AK2: variants seen among roughly 807,000 people sequenced by gnomAD.
AK2 encodes adenylate kinase 2, mitochondrial.
AK2 carries 15 observed loss-of-function variants against 24.6 expected under a neutral mutation model. The ratio of observed to expected loss-of-function variants is 0.61; its 90% CI spans 0.41 to 0.94. AK2 has a LOEUF of 0.94. Among genes scored for constraint, AK2 ranks in the 40% least tolerant of loss-of-function variants. AK2 has a pLI of 0.00. For synonymous variants in AK2, 102 were observed against 114.0 expected, an observed-to-expected ratio of 0.90 and a Z score of 0.67; for missense variants, 257 against 304.1, an observed-to-expected ratio of 0.85 and a Z score of 1.15.
Position 33,012,327 on chromosome 1 carries a change from C to A in AK2, c.*854G>T, listed in dbSNP as rs532903838. On this transcript the variant is annotated 3_prime_UTR_variant, in exon 6 of 6. Transcript: ENST00000672715. The stretch of plus-strand genomic sequence containing the variant: ...ATTTCTGTAACCTGCAAAGTAAGTG[C>A]CTTTTTCCTTCCACCTAGGGGGAAA... The A allele has an allele frequency of 7.1e-5, 109 of 1,531,432 alleles. 1 individual carries two copies. In the African/African-American group the frequency reaches 1.3e-3, roughly 19 times the overall value. 94.9% of individuals were successfully genotyped at this position (1,531,432 alleles called of 1,614,324 possible).
chr1:33,024,650 C>G lies in AK2; in HGVS notation c.94-83G>C. 2.6e-6 allele frequency: 4 copies of G among 1,567,896 alleles called. No individual in the cohort carries two copies. In the South Asian group the frequency reaches 3.4e-5, roughly 13 times the overall value. On this transcript the variant is annotated intron_variant, in intron 1 of 5. Coordinates refer to ENST00000672715, the MANE Select transcript of AK2 (RefSeq NM_001625.4). ...CTGCCTAGGTGTGAACCTGGCCCTGCCACTTACTGGCTATGTAAACATGGG... is the reference window on the plus strand; with the variant it reads ...CTGCCTAGGTGTGAACCTGGCCCTGGCACTTACTGGCTATGTAAACATGGG...
chr1:33,014,565 T>C lies in AK2; in HGVS notation c.455A>G (p.Tyr152Cys), dbSNP rs1214018612. The C allele has an allele frequency of 5.6e-6, 9 of 1,612,440 alleles. No individual in the cohort carries two copies. The South Asian group carries it at 7.7e-5, about 14-fold the overall frequency. Residue 152 changes from tyrosine (Y) to cysteine (C), a missense_variant, in exon 5 of 6, where the codon TAC becomes TGC. Physicochemically the swap from Tyr to Cys is radical, Grantham distance 194. Coordinates refer to ENST00000672715, the MANE Select transcript of AK2 (RefSeq NM_001625.4). Reference protein sequence around the residue: ...RLIHPKSGRSYHEEFNPPKEP... With the variant: ...RLIHPKSGRSCHEEFNPPKEP... Reference sequence around the variant, plus strand: ...TTTTGGAGGGTTGAACTCCTCGTGGTAGGAACGGCCACTCTTGGGGTGAAT... The same window carrying C: ...TTTTGGAGGGTTGAACTCCTCGTGGCAGGAACGGCCACTCTTGGGGTGAAT...
chr1:33,013,220 G>A lies in AK2; in HGVS notation c.681C>T (p.Phe227=), dbSNP rs1217458592. The A allele has an allele frequency of 6.2e-7, 1 of 1,614,124 alleles. No homozygotes were observed. The highest frequency in any genetic ancestry group is 1.1e-5 in the South Asian group (1 of 91,086). ...CCAAGTCTTTACATGTGGCTTTGGAGAAGGCTGCTAGGATGCTTGCGAACA... is the reference window on the plus strand; with the variant it reads ...CCAAGTCTTTACATGTGGCTTTGGAAAAGGCTGCTAGGATGCTTGCGAACA... The part of the protein sequence containing the change: ...DVVFASILAA[F]SKATCKDLVM... Residue 227 remains phenylalanine, a synonymous_variant, in exon 6 of 6, where the codon TTC becomes TTT. Coordinates refer to ENST00000672715, the MANE Select transcript of AK2 (RefSeq NM_001625.4).
intron 5 of AK2, among the ~76,000 whole-genome samples, chr1:33,013,800 C>A (rs1245887175): frequency 6.6e-6 from 1 of 152,218 alleles, no homozygotes; most frequent in East Asian, 1.9e-4. Context: ...CAATTGTAAT[C>A]TTAGTTGCTT....
At position 33,008,666 on chromosome 1, in the gene AK2, T is replaced by G. The variant is rs1489186125; in HGVS notation, c.*4515A>C. 2.2e-6 allele frequency: 1 copy of G among 454,100 alleles called. No homozygotes were observed. Among genetic ancestry groups the G allele is most frequent in the South Asian group, 1.6e-5 (1 of 64,476 alleles). 28.1% of individuals were successfully genotyped at this position (454,100 alleles called of 1,614,324 possible). ...ATGACCTCAGGAATGCCACTTCACCTCTCTGAGTCTGGTTTCCTCACCTAT... is the reference window on the plus strand; with the variant it reads ...ATGACCTCAGGAATGCCACTTCACCGCTCTGAGTCTGGTTTCCTCACCTAT... On this transcript the variant is annotated 3_prime_UTR_variant, in exon 6 of 6. Coordinates refer to ENST00000672715, the MANE Select transcript of AK2 (RefSeq NM_001625.4).
chr1:33,010,455 A>C lies in AK2; in HGVS notation c.*2726T>G, dbSNP rs2124262601. 1.8e-6 allele frequency: 1 copy of C among 565,940 alleles called. No individual in the cohort carries two copies. Among genetic ancestry groups the C allele is most frequent in the Non-Finnish European group, 3.3e-6 (1 of 300,540 alleles). The allele number at this position is 565,940 out of a possible 1,614,324, so 35.1% of individuals were successfully genotyped here. ...TTGATTTCCTGTACTCTTGGTCTGG[A>C]ACCCATGGGGTTCTGAGATAAAAGC... On this transcript the variant is annotated 3_prime_UTR_variant, in exon 6 of 6. Transcript: ENST00000672715.
chr1:33,036,267 T>G (rs1286769189), intron 1 of AK2, among the ~76,000 whole-genome samples: 1 of 152,012 alleles, frequency 6.6e-6, no homozygotes, highest in Non-Finnish European at 1.5e-5. Flanking sequence ...TGGAGATGCT[T>G]CTCCTCCCCT....
At chr1:33,013,504 C>T in intron 5 of AK2, 102 bp from the exon 6 acceptor site, 2 of 1,541,452 alleles carry the variant, frequency 1.3e-6, no homozygotes, top group Non-Finnish European at 1.8e-6. Context: ...GCCCAGGATG[C>T]TGTCTGTTCC....
intron 4 of AK2, among the ~76,000 whole-genome samples, chr1:33,016,823 A>G (rs1236924958): frequency 1.3e-5 from 2 of 151,912 alleles, no homozygotes; most frequent in Non-Finnish European, 2.9e-5. Context: ...CTCCTGCCTC[A>G]GCCTCCTGAG....
In AK2 at chr1:33,013,339, G is replaced by A; in HGVS notation, c.562C>T (p.Gln188Ter). 1 of 1,614,166 alleles carries A rather than the reference G, an allele frequency of 6.2e-7. No homozygotes were observed. The highest frequency in any genetic ancestry group is 8.5e-7 in the Non-Finnish European group (1 of 1,179,982). ...DNEKALKIRL[Q>*]AYHTQTTPLI... The stretch of plus-strand genomic sequence containing the variant: ...GGGGTGGTTTGAGTGTGGTAGGCTT[G>A]CAGGCGGATTTTCAAGGCCTTTTCA... Residue 188 changes from glutamine to a stop codon, truncating the protein, a stop_gained, in exon 6 of 6, where the codon CAA becomes TAA. Coordinates refer to ENST00000672715, the MANE Select transcript of AK2 (RefSeq NM_001625.4). LOFTEE classifies it high-confidence loss of function.
chr1:33,032,463 A>C (rs1379079204), intron 1 of AK2: 1 of 152,272 alleles, frequency 6.6e-6, no homozygotes, highest in Non-Finnish European at 1.5e-5. Context: ...TCAAGCATTT[A>C]TCCTGACTTT....
At chr1:33,022,982 AG>A (rs1639650256) in intron 2 of AK2, among the ~76,000 whole-genome samples, 1 of 152,202 alleles carries the variant, frequency 6.6e-6, no homozygotes, top group African/African-American at 2.4e-5. Flanking sequence ...AATTACATGA[AG>A]GGAAAACTAG....
At chr1:33,034,904 T>C (rs2124395379) in intron 1 of AK2, among the ~76,000 whole-genome samples, 1 of 152,022 alleles carries the variant, frequency 6.6e-6, no homozygotes, top group African/African-American at 2.4e-5. Context: ...GTTTAAAAAT[T>C]AGCTGGGCAT....
chr1:33,009,479 T>C lies in AK2; in HGVS notation c.*3702A>G. Reference sequence around the variant, plus strand: ...GTTATCCAGCCTGGCAGGAAGCAGATATCTTTCTGTGTATATCTGGATCCA... The same window carrying C: ...GTTATCCAGCCTGGCAGGAAGCAGACATCTTTCTGTGTATATCTGGATCCA... On this transcript the variant is annotated 3_prime_UTR_variant, in exon 6 of 6. Coordinates refer to ENST00000672715, the MANE Select transcript of AK2 (RefSeq NM_001625.4). 2.2e-6 allele frequency: 1 copy of C among 454,140 alleles called. No homozygotes were observed. The highest frequency in any genetic ancestry group is 4.4e-6 in the Non-Finnish European group (1 of 226,784). The allele number at this position is 454,140 out of a possible 1,614,324, so 28.1% of individuals were successfully genotyped here.
intron 1 of AK2, among the ~76,000 whole-genome samples, chr1:33,035,613 C>G (rs1640530420): frequency 6.6e-6 from 1 of 152,146 alleles, no homozygotes; most frequent in Non-Finnish European, 1.5e-5. Context: ...AAGGGGACAT[C>G]AATAATCCAA....
downstream of AK2, chr1:33,007,951 G>A (rs745361688): frequency 7.1e-5 from 32 of 448,902 alleles, no homozygotes; most frequent in South Asian, 2.0e-4. Flanking sequence ...CAGGGTTATC[G>A]AGGAGAATAA....
At chr1:33,016,593 C>T (rs1351690113) in intron 4 of AK2, among the ~76,000 whole-genome samples, 1 of 151,980 alleles carries the variant, frequency 6.6e-6, no homozygotes, top group African/African-American at 2.4e-5. Flanking sequence ...TCACTGTAAC[C>T]ACAAACTACT....
chr1:33,011,422 G>A lies in AK2; in HGVS notation c.*1759C>T, dbSNP rs1261896605. 1 of 1,287,350 alleles carries A rather than the reference G, an allele frequency of 7.8e-7. No individual in the cohort carries two copies. Among genetic ancestry groups the A allele is most frequent in the Admixed American group, 2.3e-5 (1 of 43,544 alleles). The allele number at this position is 1,287,350 out of a possible 1,614,324, so 79.7% of individuals were successfully genotyped here. ...GTTGGTTTAGAGCCAGGAAAACAAG[G>A]CAGGACAGAGGCAGCAGACACTCAC... On this transcript the variant is annotated 3_prime_UTR_variant, in exon 6 of 6. Transcript: ENST00000672715.
At chr1:33,016,150 GTCCCT>G (rs1226011354) in intron 4 of AK2, among the ~76,000 whole-genome samples, 5 of 152,128 alleles carry the variant, frequency 3.3e-5, no homozygotes, top group African/African-American at 1.2e-4. Flanking sequence ...AGATGCTCAA[GTCCCT>G]GATATAAAAT....
Sources: gnomAD v4.1 joint callset for allele counts (sites outside exome capture counted in the v4.1 genomes callset) on GRCh38, gnomAD v4.1.1 for gene constraint, MANE v1.5 for transcripts, NCBI Gene and HGNC (gene_info 2026-07-23, HGNC 2026-07-21) for gene names.